The following TMEM177 variants were observed in gnomAD, a reference collection of about 807,000 sequenced individuals.
TMEM177 encodes the protein transmembrane protein 177.
A neutral mutation model predicts 14.2 loss-of-function variants in TMEM177; 4 were observed. That is an observed-to-expected ratio of 0.28 (90% CI 0.14 to 0.64). The LOEUF is 0.64. Ranked by LOEUF, TMEM177 falls within the 30% of genes least tolerant of loss-of-function variation. The probability of loss-of-function intolerance (pLI) is 0.82; values close to 1 mark genes in which losing one functional copy is unlikely to be tolerated. For missense variants in TMEM177, 344 were observed against 405.2 expected, an observed-to-expected ratio of 0.85 and a Z score of 1.30; for synonymous variants, 179 against 174.5, an observed-to-expected ratio of 1.03 and a Z score of -0.20.
chr2:119,699,524 C>G, the TMEM177 span, among the ~76,000 whole-genome samples: 1 of 152,144 alleles, frequency 6.6e-6, no homozygotes, highest in Non-Finnish European at 1.5e-5. Context: ...AGAGTCCCTA[C>G]TAGGGTGCTT....
At chr2:119,702,332 G>A in the TMEM177 span, among the ~76,000 whole-genome samples, 1 of 152,206 alleles carries the variant, frequency 6.6e-6, no homozygotes, top group Admixed American at 6.5e-5. Flanking sequence ...CAAGTGAAGG[G>A]GTCCCACCAT....
chr2:119,715,600 C>T, the TMEM177 span, among the ~76,000 whole-genome samples: 3 of 152,170 alleles, frequency 2.0e-5, no homozygotes, highest in Admixed American at 1.3e-4. Flanking sequence ...TTTCTGTGCC[C>T]AGCAGTCCAG....
the TMEM177 span, among the ~76,000 whole-genome samples, chr2:119,705,990 A>ATATATATATTATATATTATATAT: frequency 0.04 from 588 of 14,554 alleles, 3 homozygotes; most frequent in Non-Finnish European, 0.1. Flanking sequence ...CTCTCTATAT[A>ATATATATATTATATATTATATAT]TATATATTAT....
At chr2:119,720,151 A>G in the TMEM177 span, among the ~76,000 whole-genome samples, 1 of 152,108 alleles carries the variant, frequency 6.6e-6, no homozygotes, top group East Asian at 1.9e-4. Flanking sequence ...TTTTAAAAAT[A>G]TCAAAATTTT....
the TMEM177 span, among the ~76,000 whole-genome samples, chr2:119,692,887 G>A: frequency 5.2e-4 from 77 of 148,076 alleles, no homozygotes; most frequent in South Asian, 0.015. Flanking sequence ...TGGGAGAATC[G>A]CTTGAACCCG....
At chr2:119,706,723 C>T in the TMEM177 span, among the ~76,000 whole-genome samples, 441 of 152,176 alleles carry the variant, frequency 2.9e-3, 2 homozygotes, top group African/African-American at 0.01. Context: ...GGGTTAGGCA[C>T]TCCAGGACCG....
rs191127547 is a variant in TMEM177, at chr2:119,680,775, G to A, written c.-22-57G>A. 397 of 1,400,720 alleles carry A rather than the reference G, an allele frequency of 2.8e-4. 1 individual carries two copies. In the African/African-American group the frequency reaches 4.5e-3, roughly 16 times the overall value. The allele number at this position is 1,400,720 out of a possible 1,614,324, so 86.8% of individuals were successfully genotyped here. A position where few individuals can be genotyped will look rare whatever the true frequency, so the allele number is the denominator to read the frequency against. On this transcript the variant is annotated intron_variant, in intron 1 of 1. Coordinates refer to ENST00000272521, the MANE Select transcript of TMEM177 (RefSeq NM_030577.3). Reference sequence around the variant, plus strand: ...AAAGGTGGTGTGGACCCTGGAGGATGTTCAGTCTGCAGGCTGACCCAGGGA... The same window carrying A: ...AAAGGTGGTGTGGACCCTGGAGGATATTCAGTCTGCAGGCTGACCCAGGGA...
At chr2:119,714,542 C>G in the TMEM177 span, among the ~76,000 whole-genome samples, 3 of 152,202 alleles carry the variant, frequency 2.0e-5, no homozygotes, top group African/African-American at 7.2e-5. Context: ...GGTGCCTTCC[C>G]CAAAGCAGCA....
the TMEM177 span, chr2:119,699,868 G>T: frequency 2.3e-6 from 1 of 426,946 alleles, no homozygotes; most frequent in South Asian, 1.8e-5. Flanking sequence ...AAAGAGTGCT[G>T]AGTTTTTGTT....
At chr2:119,714,738 G>T in the TMEM177 span, among the ~76,000 whole-genome samples, 13 of 152,328 alleles carry the variant, frequency 8.5e-5, no homozygotes, top group African/African-American at 2.6e-4. Flanking sequence ...AGCCCCAGGG[G>T]GCTGCTTAGA....
chr2:119,690,606 G>A (rs557189191), downstream of TMEM177, among the ~76,000 whole-genome samples: 2 of 152,324 alleles, frequency 1.3e-5, no homozygotes, highest in South Asian at 2.1e-4. Context: ...CAGAGCCCAC[G>A]TGGAGAGAGG....
chr2:119,695,202 C>T, the TMEM177 span, among the ~76,000 whole-genome samples: 1,812 of 152,276 alleles, frequency 0.012, 35 homozygotes, highest in African/African-American at 0.042. Flanking sequence ...GTGACAGCCC[C>T]GGAATGTGGA....
Sources: gnomAD v4.1 joint callset for allele counts (sites outside exome capture counted in the v4.1 genomes callset) on GRCh38, gnomAD v4.1.1 for gene constraint, MANE v1.5 for transcripts, NCBI Gene and HGNC (gene_info 2026-07-23, HGNC 2026-07-21) for gene names.